Variants in COL6A6 observed in about 807,000 individuals in gnomAD.
COL6A6 encodes collagen type VI alpha 6 chain.
In COL6A6, 183 loss-of-function variants were observed where a neutral mutation model predicts 208.6. The observed-to-expected ratio is 0.88, with a 90% CI of 0.78 to 0.99. The LOEUF is 0.99. Ranked by LOEUF, COL6A6 falls within the 50% of genes least tolerant of loss-of-function variation. The probability of loss-of-function intolerance (pLI) is 0.00; values close to 1 mark genes in which losing one functional copy is unlikely to be tolerated. For synonymous variants in COL6A6, 973 were observed against 1,011.8 expected (o/e 0.96, Z 0.73); for missense variants, 2,816 against 2,815.2 (o/e 1.00, Z -0.01).
At position 130,584,935 on chromosome 3, in the gene COL6A6, C is replaced by T. The variant is rs1229681268; in HGVS notation, c.3971-1571C>T. Among the ~76,000 whole-genome samples, 4 of 150,716 alleles carry T rather than the reference C, an allele frequency of 2.7e-5. No individual in the cohort carries two copies. In the East Asian group the frequency reaches 7.7e-4, roughly 29 times the overall value. On this transcript the variant is annotated intron_variant, in intron 10 of 36. Coordinates refer to ENST00000358511, the MANE Select transcript of COL6A6 (RefSeq NM_001102608.3). The stretch of plus-strand genomic sequence containing the variant: ...GGCCTCTTTCTTTCTTCCACTGCAG[C>T]TAACCATTCTGTTTGCCTCTCTTGG...
chr3:130,537,438 G>T (rs1306697499), intron 1 of COL6A6, among the ~76,000 whole-genome samples: 3 of 152,162 alleles, frequency 2.0e-5, no homozygotes, highest in African/African-American at 7.2e-5. Context: ...AGTCAGCCCA[G>T]GGATCTTATG....
At chr3:130,527,914 T>TG (rs2061997256) in intron 1 of COL6A6, among the ~76,000 whole-genome samples, 2 of 79,632 alleles carry the variant, frequency 2.5e-5, no homozygotes, top group African/African-American at 9.2e-5. Context: ...TTTTTTTTTT[T>TG]TGGTTGTTGT....
chr3:130,545,190 G>A (rs7624813), intron 1 of COL6A6, among the ~76,000 whole-genome samples: 123,366 of 152,094 alleles, frequency 0.81, 50,615 homozygotes, highest in Non-Finnish European at 0.87. Flanking sequence ...TTTTGAGTTG[G>A]TTTTTGTGGA....
chr3:130,568,162 G>C lies in COL6A6; in HGVS notation c.1959G>C (p.Gln653His). 2 of 1,614,046 alleles carry C rather than the reference G, an allele frequency of 1.2e-6. No individual in the cohort carries two copies. Among genetic ancestry groups the C allele is most frequent in the Non-Finnish European group, 1.7e-6 (2 of 1,179,898 alleles). Residue 653 changes from glutamine to histidine, a missense_variant, in exon 6 of 37, where the codon CAG becomes CAC. Physicochemically the swap from Gln to His is conservative, Grantham distance 24. Transcript: ENST00000358511. ...TGAAAAACCTGGTGAGCAAGTCTCA[G>C]ATTGGACCAGATCGGGTGCAAATTG... ...TFMKNLVSKS[Q>H]IGPDRVQIGV...
intron 36 of COL6A6, among the ~76,000 whole-genome samples, chr3:130,672,696 G>A (rs763879447): frequency 1.3e-4 from 19 of 151,336 alleles, no homozygotes; most frequent in South Asian, 4.2e-4. Flanking sequence ...GAGCCACCGC[G>A]CCCGGCCCAA....
intron 23 of COL6A6, among the ~76,000 whole-genome samples, chr3:130,611,050 C>T (rs2064343500): frequency 6.6e-6 from 1 of 152,016 alleles, no homozygotes; most frequent in Non-Finnish European, 1.5e-5. Flanking sequence ...CTCAAACTGG[C>T]TAAATATGAT....
intron 20 of COL6A6, among the ~76,000 whole-genome samples, chr3:130,602,742 A>T (rs2064062347): frequency 6.6e-6 from 1 of 152,256 alleles, no homozygotes; most frequent in African/African-American, 2.4e-5. Context: ...GTTGCTTTTT[A>T]ATAAAACACT....
intron 32 of COL6A6, among the ~76,000 whole-genome samples, chr3:130,647,264 G>A (rs980241672): frequency 1.3e-5 from 2 of 152,102 alleles, no homozygotes; most frequent in African/African-American, 4.8e-5. Context: ...TTTGGAAGCT[G>A]AATTAGTCCT....
intron 24 of COL6A6, among the ~76,000 whole-genome samples, chr3:130,622,806 G>C (rs1277745866): frequency 6.6e-6 from 1 of 151,984 alleles, no homozygotes; most frequent in Non-Finnish European, 1.5e-5. Context: ...GCAGTGAGCT[G>C]AGATCGCACC....
intron 19 of COL6A6, among the ~76,000 whole-genome samples, chr3:130,599,415 G>GCTTTAGTTAT (rs1177634190): frequency 0.011 from 1,747 of 152,254 alleles, 35 homozygotes; most frequent in African/African-American, 0.04. Context: ...ACCAGTAGTA[G>GCTTTAGTTAT]CCATACCTGA....
At chr3:130,602,428 A>T (rs1318612502) in intron 20 of COL6A6, among the ~76,000 whole-genome samples, 2 of 152,230 alleles carry the variant, frequency 1.3e-5, no homozygotes, top group Non-Finnish European at 2.9e-5. Context: ...TAAAGCTGCA[A>T]GAGAAAGAAA....
rs760894938 is a variant in COL6A6, at chr3:130,592,529, G to T, written c.4273-12G>T. On this transcript the variant is annotated splice_polypyrimidine_tract_variant and intron_variant, in intron 13 of 36. Transcript: ENST00000358511. ...ATAGAAAAAGCTCATTTGGATATGT[G>T]CCCTTTCTCAGGGAGAAAGAGGAGC... 7.0e-6 allele frequency: 11 copies of T among 1,577,056 alleles called. No homozygotes were observed. The highest frequency in any genetic ancestry group is 9.5e-6 in the Non-Finnish European group (11 of 1,156,948).
At chr3:130,595,588 C>G (rs556255121) in intron 18 of COL6A6, among the ~76,000 whole-genome samples, 43 of 152,232 alleles carry the variant, frequency 2.8e-4, no homozygotes, top group African/African-American at 9.4e-4. Flanking sequence ...TTTCTGGCTT[C>G]TTTTGCTTTA....
intron 1 of COL6A6, among the ~76,000 whole-genome samples, chr3:130,547,638 A>C (rs1166618157): frequency 6.6e-6 from 1 of 152,220 alleles, no homozygotes; most frequent in Non-Finnish European, 1.5e-5. Context: ...CCTGCCCATA[A>C]GCTCATCACA....
At chr3:130,538,507 G>A (rs1220667287) in intron 1 of COL6A6, among the ~76,000 whole-genome samples, 2 of 152,188 alleles carry the variant, frequency 1.3e-5, no homozygotes, top group African/African-American at 4.8e-5. Flanking sequence ...AGAAGATACT[G>A]TGCCAACTCG....
intron 36 of COL6A6, among the ~76,000 whole-genome samples, chr3:130,668,115 CA>C (rs1438046768): frequency 6.7e-6 from 1 of 150,182 alleles, no homozygotes; most frequent in South Asian, 2.1e-4. Context: ...TGAGTAATCA[CA>C]AAAAAAACAG....
chr3:130,599,744 G>A lies in COL6A6; in HGVS notation c.4600-13G>A, dbSNP rs117168542. On this transcript the variant is annotated splice_polypyrimidine_tract_variant and intron_variant, in intron 19 of 36. Coordinates refer to ENST00000358511, the MANE Select transcript of COL6A6 (RefSeq NM_001102608.3). ...CATAATTACCGTCACACATCTGTCT[G>A]TTCCTTTGACAGGGCAGAAGAGGCT... The A allele has an allele frequency of 3.2e-3, 5,207 of 1,613,566 alleles. 148 individuals carry two copies. In the East Asian group the frequency reaches 0.077, roughly 24 times the overall value.
At chr3:130,603,440 GTGCTA>G (rs1163888098) in intron 20 of COL6A6, among the ~76,000 whole-genome samples, 1 of 152,196 alleles carries the variant, frequency 6.6e-6, no homozygotes, top group African/African-American at 2.4e-5. Flanking sequence ...GCTGTTACCA[GTGCTA>G]TGCTAGCAGA....
Position 130,570,889 on chromosome 3 carries a change from T to C in COL6A6, c.2473T>C (p.Tyr825His). Residue 825 changes from tyrosine to histidine, a missense_variant, in exon 7 of 37, where the codon TAT becomes CAT. Physicochemically the swap from Tyr to His is moderately conservative, Grantham distance 83. Transcript: ENST00000358511. ...DSSGSIDYDE[Y>H]NIMKDFMIGL... The stretch of plus-strand genomic sequence containing the variant: ...CTCTGGCAGTATTGACTATGATGAG[T>C]ATAATATCATGAAGGATTTTATGAT... 6.2e-7 allele frequency: 1 copy of C among 1,613,886 alleles called. No individual in the cohort carries two copies. Among genetic ancestry groups the C allele is most frequent in the Admixed American group, 1.7e-5 (1 of 60,034 alleles).
Sources: allele counts gnomAD v4.1 joint callset (sites outside exome capture counted in the v4.1 genomes callset), GRCh38; gene constraint gnomAD v4.1.1; transcripts MANE v1.5; gene names NCBI Gene and HGNC (gene_info 2026-07-23, HGNC 2026-07-21).